The following GALNT13 variants were observed in gnomAD, a reference collection of about 807,000 sequenced individuals.
The protein encoded by GALNT13 is UDP-GalNAc:polypeptide N-acetylgalactosaminyltransferase 13.
In GALNT13, 28 loss-of-function variants were observed where a neutral mutation model predicts 64.2. The ratio of observed to expected loss-of-function variants is 0.44; its 90% confidence interval spans 0.32 to 0.60. The LOEUF (loss-of-function observed/expected upper bound fraction) is 0.60, where lower values mean the gene tolerates loss of function less well. GALNT13 is among the 20% of genes least tolerant of loss of function. GALNT13 has a pLI of 0.05. For synonymous variants in GALNT13, 214 were observed against 224.6 expected, an observed-to-expected ratio of 0.95 and a Z score of 0.42; for missense variants, 577 against 669.8, an observed-to-expected ratio of 0.86 and a Z score of 1.53.
chr2:153,934,549 A>G (rs1305993937), intron 2 of GALNT13, among the ~76,000 whole-genome samples: 1 of 152,186 alleles, frequency 6.6e-6, no homozygotes, highest in Admixed American at 6.6e-5. Context: ...TGAACCATCA[A>G]ATGTCACGTG....
At chr2:154,220,233 A>T (rs1290877535) in intron 4 of GALNT13, among the ~76,000 whole-genome samples, 1 of 152,090 alleles carries the variant, frequency 6.6e-6, no homozygotes, top group Non-Finnish European at 1.5e-5. Flanking sequence ...TCCAAGTACA[A>T]ATTTTATCCA....
chr2:154,431,371 G>A (rs928527771), intron 11 of GALNT13, among the ~76,000 whole-genome samples: 1 of 151,890 alleles, frequency 6.6e-6, no homozygotes, highest in Non-Finnish European at 1.5e-5. Flanking sequence ...TTTCTAAAGG[G>A]TCATGAAAAA....
the GALNT13 span, among the ~76,000 whole-genome samples, chr2:153,803,713 A>G: frequency 7.0e-6 from 1 of 143,328 alleles, no homozygotes; most frequent in Non-Finnish European, 1.5e-5. Flanking sequence ...AAAAAAGAAA[A>G]AGAAAAAAGA....
chr2:153,515,431 A>C, the GALNT13 span, among the ~76,000 whole-genome samples: 1 of 152,174 alleles, frequency 6.6e-6, no homozygotes, highest in Admixed American at 6.5e-5. Flanking sequence ...AATTCCTAGA[A>C]TATGTTTACC....
chr2:153,987,341 A>G (rs1204246522), intron 3 of GALNT13, among the ~76,000 whole-genome samples: 3 of 151,856 alleles, frequency 2.0e-5, no homozygotes, highest in African/African-American at 7.2e-5. Context: ...TAATTCATCT[A>G]GGTGGTTAAA....
At chr2:153,392,357 C>A in the GALNT13 span, among the ~76,000 whole-genome samples, 1 of 151,578 alleles carries the variant, frequency 6.6e-6, no homozygotes, top group Non-Finnish European at 1.5e-5. Context: ...CACAAAAAAA[C>A]AAGTCATAGA....
chr2:153,783,747 T>C, the GALNT13 span, among the ~76,000 whole-genome samples: 1 of 152,162 alleles, frequency 6.6e-6, no homozygotes, highest in Non-Finnish European at 1.5e-5. Flanking sequence ...CTGATGGCTT[T>C]ATAAAGGGCT....
intron 2 of GALNT13, among the ~76,000 whole-genome samples, chr2:153,907,362 A>G (rs940019794): frequency 1.3e-5 from 2 of 151,874 alleles, no homozygotes; most frequent in African/African-American, 4.8e-5. Context: ...TCATATACAT[A>G]TAATTACATA....
At chr2:154,409,421 G>T in intron 11 of GALNT13, 1 of 231,458 alleles carries the variant, frequency 4.3e-6, no homozygotes, top group African/African-American at 2.3e-5. Context: ...CATCTGTGAT[G>T]TTTTCCCAAT....
chr2:153,840,800 C>T, the GALNT13 span, among the ~76,000 whole-genome samples: 1 of 152,086 alleles, frequency 6.6e-6, no homozygotes, highest in Non-Finnish European at 1.5e-5. Context: ...TCTTATCTCC[C>T]GCTAATGTTG....
intron 2 of GALNT13, among the ~76,000 whole-genome samples, chr2:153,908,778 C>CT (rs1688747627): frequency 2.2e-5 from 3 of 136,380 alleles, no homozygotes. Context: ...AGTACCATGC[C>CT]ATTTTTTTAT....
chr2:153,683,318 C>G, the GALNT13 span, among the ~76,000 whole-genome samples: 1 of 151,624 alleles, frequency 6.6e-6, no homozygotes, highest in East Asian at 1.9e-4. Flanking sequence ...CAGTGCCTAG[C>G]ACATAATAAA....
At chr2:153,716,633 T>C in the GALNT13 span, among the ~76,000 whole-genome samples, 1 of 152,182 alleles carries the variant, frequency 6.6e-6, no homozygotes, top group Non-Finnish European at 1.5e-5. Context: ...CATATTGTAA[T>C]ATAGTCTTGC....
chr2:154,111,834 T>C (rs1484354843), intron 3 of GALNT13, among the ~76,000 whole-genome samples: 1 of 152,198 alleles, frequency 6.6e-6, no homozygotes, highest in African/African-American at 2.4e-5. Flanking sequence ...AAAAGGCCAT[T>C]CCACTGTTCT....
At chr2:153,560,354 T>C in the GALNT13 span, among the ~76,000 whole-genome samples, 2 of 152,100 alleles carry the variant, frequency 1.3e-5, no homozygotes, top group Admixed American at 6.5e-5. Flanking sequence ...TGATTTTTTC[T>C]TGTACCTGAT....
intron 3 of GALNT13, among the ~76,000 whole-genome samples, chr2:154,114,249 A>C (rs2105498738): frequency 6.6e-6 from 1 of 152,244 alleles, no homozygotes; most frequent in Non-Finnish European, 1.5e-5. Flanking sequence ...TCTACCAGTT[A>C]GGGGGCCAAT....
At chr2:154,106,489 A>AT (rs1425897934) in intron 3 of GALNT13, among the ~76,000 whole-genome samples, 22 of 152,094 alleles carry the variant, frequency 1.4e-4, no homozygotes, top group African/African-American at 5.1e-4. Flanking sequence ...TGTTGAATAT[A>AT]TTTACATGAG....
At chr2:154,289,082 G>A (rs563500741) in intron 8 of GALNT13, among the ~76,000 whole-genome samples, 131 of 152,276 alleles carry the variant, frequency 8.6e-4, no homozygotes, top group African/African-American at 3.1e-3. Context: ...TGAAACCTAG[G>A]CAGAGGTTCC....
chr2:153,128,784 C>G, the GALNT13 span, among the ~76,000 whole-genome samples: 1 of 152,062 alleles, frequency 6.6e-6, no homozygotes, highest in African/African-American at 2.4e-5. Context: ...CTGTGGAAGC[C>G]TCACAATCAT....
Sources: gnomAD v4.1 joint callset for allele counts (sites outside exome capture counted in the v4.1 genomes callset) on GRCh38, gnomAD v4.1.1 for gene constraint, MANE v1.5 for transcripts, NCBI Gene and HGNC (gene_info 2026-07-23, HGNC 2026-07-21) for gene names.